Variants in GUCY2C observed in about 807,000 individuals in gnomAD.
GUCY2C encodes guanylyl cyclase C.
A neutral mutation model predicts 131.1 loss-of-function variants in GUCY2C; 118 were observed. The ratio of observed to expected loss-of-function variants is 0.90; its 90% CI spans 0.78 to 1.05. The LOEUF is 1.05. Among genes scored for constraint, GUCY2C ranks in the 50% least tolerant of loss-of-function variants. The pLI is 0.00. For missense variants in GUCY2C, 1,161 were observed against 1,304.4 expected (o/e 0.89, Z 1.69); for synonymous variants, 452 against 457.8 (o/e 0.99, Z 0.16).
intron 18 of GUCY2C, 133 bp from the exon 19 acceptor site, chr12:14,640,083 AC>A: frequency 1.5e-6 from 1 of 651,124 alleles, no homozygotes. Flanking sequence ...CAGAGCCTAG[AC>A]CAGCACTCAG....
At position 14,686,147 on chromosome 12, in the gene GUCY2C, G is replaced by A. The variant is rs1243602439; in HGVS notation, c.395+14C>T. ...TATCATGTCCTGACTTCAGTTCACA[G>A]TAGTATTACTTACTACATCTGGAAG... On this transcript the variant is annotated intron_variant, in intron 3 of 26. Transcript: ENST00000261170. 4 of 1,509,802 alleles carry A rather than the reference G, an allele frequency of 2.6e-6. No homozygotes were observed. The highest frequency in any genetic ancestry group is 2.3e-5 in the East Asian group (1 of 44,306). 93.5% of individuals were successfully genotyped at this position (1,509,802 alleles called of 1,614,324 possible). A position where few individuals can be genotyped will look rare whatever the true frequency, so the allele number is the denominator to read the frequency against.
chr12:14,629,264 G>C (rs10744074), intron 19 of GUCY2C, among the ~76,000 whole-genome samples: 127,549 of 152,040 alleles, frequency 0.84, 57,555 homozygotes, highest in East Asian at 0.99. Flanking sequence ...CTTTTATTGG[G>C]GGTCTGAAGA....
intron 15 of GUCY2C, among the ~76,000 whole-genome samples, chr12:14,650,749 T>G (rs1947636656): frequency 6.6e-6 from 1 of 152,178 alleles, no homozygotes; most frequent in Admixed American, 6.5e-5. Flanking sequence ...ACTTTTTCCT[T>G]GTACCACTGT....
chr12:14,695,686 A>T (rs1026107256), intron 1 of GUCY2C, among the ~76,000 whole-genome samples: 3 of 151,472 alleles, frequency 2.0e-5, no homozygotes, highest in African/African-American at 7.3e-5. Context: ...TTTGGTGTCT[A>T]TGTGAAATTG....
intron 1 of GUCY2C, 105 bp from the exon 2 acceptor site, chr12:14,688,168 C>G (rs1565637275): frequency 1.4e-6 from 1 of 724,624 alleles, no homozygotes; most frequent in Non-Finnish European, 2.5e-6. Context: ...CATTTTCAGG[C>G]CTAGGAATAT....
At chr12:14,681,553 G>T in intron 4 of GUCY2C, 76 bp from the exon 5 acceptor site, 1 of 1,250,282 alleles carries the variant, frequency 8.0e-7, no homozygotes, top group Non-Finnish European at 1.2e-6. Context: ...CTTATTTGCA[G>T]ATCTATCCTG....
intron 11 of GUCY2C, among the ~76,000 whole-genome samples, chr12:14,658,670 G>T (rs987722032): frequency 1.3e-5 from 2 of 151,450 alleles, no homozygotes; most frequent in Admixed American, 6.6e-5. Context: ...AGTGAGACTC[G>T]GTCTCAAAAA....
chr12:14,632,951 C>A (rs1025122211), intron 19 of GUCY2C, among the ~76,000 whole-genome samples: 1 of 152,190 alleles, frequency 6.6e-6, no homozygotes, highest in Non-Finnish European at 1.5e-5. Flanking sequence ...GTCACAGCCA[C>A]TACCAACACC....
chr12:14,686,186 A>C lies in GUCY2C; in HGVS notation c.370T>G (p.Cys124Gly), dbSNP rs768684967. ...TACATCTGGAAGGTGGAGTATGTAC[A>C]TGAGGGCCCTATGAGGACACAGCCC... The part of the protein sequence containing the change: ...RMGCVLIGPS[C>G]TYSTFQMYLD... Residue 124 changes from cysteine (C) to glycine (G), a missense_variant, in exon 3 of 27, where the codon TGT becomes GGT. Physicochemically the swap from Cys to Gly is radical, Grantham distance 159 (BLOSUM62 -3). Transcript: ENST00000261170. The C allele has an allele frequency of 6.2e-7, 1 of 1,606,974 alleles. No individual in the cohort carries two copies. The highest frequency in any genetic ancestry group is 8.5e-7 in the Non-Finnish European group (1 of 1,173,526).
chr12:14,633,130 A>G (rs924430816), intron 19 of GUCY2C, among the ~76,000 whole-genome samples: 2 of 152,216 alleles, frequency 1.3e-5, no homozygotes, highest in African/African-American at 2.4e-5. Flanking sequence ...ATCTGCCTAG[A>G]CCCACTAACG....
chr12:14,629,467 C>A (rs1052564274), intron 19 of GUCY2C, among the ~76,000 whole-genome samples: 1 of 152,178 alleles, frequency 6.6e-6, no homozygotes, highest in Non-Finnish European at 1.5e-5. Context: ...AGAAGTTAAT[C>A]ACGTATGTCT....
At chr12:14,644,337 G>A (rs1947469264) in intron 16 of GUCY2C, among the ~76,000 whole-genome samples, 1 of 152,156 alleles carries the variant, frequency 6.6e-6, no homozygotes, top group African/African-American at 2.4e-5. Flanking sequence ...CTGTACTCCA[G>A]CCTGGGTGAC....
At chr12:14,630,947 G>T (rs1395428598) in intron 19 of GUCY2C, among the ~76,000 whole-genome samples, 2 of 152,204 alleles carry the variant, frequency 1.3e-5, no homozygotes, top group African/African-American at 4.8e-5. Context: ...TGCTGATTGT[G>T]TGGAGGAATC....
At chr12:14,634,046 C>G (rs1031625920) in intron 19 of GUCY2C, among the ~76,000 whole-genome samples, 1 of 151,926 alleles carries the variant, frequency 6.6e-6, no homozygotes. Context: ...TCAGAGATCC[C>G]CAAATACATA....
intron 9 of GUCY2C, among the ~76,000 whole-genome samples, chr12:14,671,014 A>T (rs371249190): frequency 2.0e-5 from 3 of 151,722 alleles, no homozygotes; most frequent in Admixed American, 1.3e-4. Context: ...ATTCACTATC[A>T]CGAGACTAGC....
intron 24 of GUCY2C, among the ~76,000 whole-genome samples, chr12:14,617,451 A>C (rs1946791173): frequency 1.3e-5 from 2 of 152,116 alleles, no homozygotes. Flanking sequence ...TTTGGCTTGT[A>C]GTGCCAAGCT....
chr12:14,641,664 C>T (rs908973762), intron 17 of GUCY2C, among the ~76,000 whole-genome samples: 3 of 152,142 alleles, frequency 2.0e-5, no homozygotes, highest in African/African-American at 4.8e-5. Flanking sequence ...TTTGGCCAGG[C>T]GTAGTGGCTT....
intron 17 of GUCY2C, among the ~76,000 whole-genome samples, chr12:14,642,741 G>A (rs55877003): frequency 0.012 from 1,824 of 152,248 alleles, 26 homozygotes; most frequent in African/African-American, 0.042. Flanking sequence ...ATGACGATTT[G>A]TACTACTATG....
chr12:14,648,668 C>G (rs1164715136), intron 15 of GUCY2C, among the ~76,000 whole-genome samples: 1 of 152,182 alleles, frequency 6.6e-6, no homozygotes, highest in Non-Finnish European at 1.5e-5. Context: ...TATGTATTCC[C>G]ATTACAATGT....
Sources: gnomAD v4.1 joint callset for allele counts (sites outside exome capture counted in the v4.1 genomes callset) on GRCh38, gnomAD v4.1.1 for gene constraint, MANE v1.5 for transcripts, NCBI Gene and HGNC (gene_info 2026-07-23, HGNC 2026-07-21) for gene names.